The following PTPRH variants were observed in gnomAD, a reference collection of about 807,000 sequenced individuals.
The protein encoded by PTPRH is receptor-type tyrosine-protein phosphatase H.
A neutral mutation model predicts 130.2 loss-of-function variants in PTPRH; 113 were observed. The observed-to-expected ratio is 0.87, with a 90% confidence interval of 0.75 to 1.01. The LOEUF (loss-of-function observed/expected upper bound fraction) is 1.01. Among genes scored for constraint, PTPRH ranks in the 50% least tolerant of loss-of-function variants. The pLI is 0.00. For synonymous variants in PTPRH, 556 were observed against 577.9 expected (o/e 0.96, Z 0.54); for missense variants, 1,430 against 1,425.0 (o/e 1.00, Z -0.06).
At chr19:55,200,867 C>T (rs1039581054) in intron 6 of PTPRH, among the ~76,000 whole-genome samples, 5 of 151,768 alleles carry the variant, frequency 3.3e-5, no homozygotes, top group Admixed American at 1.3e-4. Flanking sequence ...GGCGTGAACC[C>T]GGGAGGCGGA....
At chr19:55,203,117 A>G (rs1168643421) in intron 5 of PTPRH, among the ~76,000 whole-genome samples, 1 of 151,820 alleles carries the variant, frequency 6.6e-6, no homozygotes, top group East Asian at 2.0e-4. Context: ...TCACAAGGTC[A>G]GGAGATCGAG....
chr19:55,200,952 A>AC lies in PTPRH; in HGVS notation c.1154-451_1154-450insG, dbSNP rs1261414196. 6.0e-3 allele frequency among the ~76,000 whole-genome samples: 655 copies of AC among 110,036 alleles called. 10 individuals are homozygous for AC. The highest frequency in any genetic ancestry group is 0.026 in the African/African-American group (579 of 22,658). The allele number at this position is 110,036 out of a possible 152,430, so 72.2% of individuals were successfully genotyped here. ...AGCGAGACTCCGTCTCAAAACAAAC[A>AC]AAAAAAACAAACAAAAAAAACAAAA... On this transcript the variant is annotated intron_variant, in intron 6 of 19. Transcript: ENST00000376350.
In PTPRH at chr19:55,181,634, C is replaced by G. The variant is rs1207099214; in HGVS notation, c.*120G>C. 2.2e-6 allele frequency: 3 copies of G among 1,391,134 alleles called. No individual in the cohort carries two copies. Among genetic ancestry groups the G allele is most frequent in the Non-Finnish European group, 9.9e-7 (1 of 1,011,954 alleles). 86.2% of individuals were successfully genotyped at this position (1,391,134 alleles called of 1,614,324 possible). On this transcript the variant is annotated 3_prime_UTR_variant, in exon 20 of 20. Transcript: ENST00000376350. ...AAACCAGAGTTTGGGATACCAGCCC[C>G]CTCCTCCCACAGCACCCAGGAGTCT...
At chr19:55,204,105 C>T (rs1443340959) in intron 4 of PTPRH, 57 bp from the exon 5 acceptor site, 12 of 1,495,342 alleles carry the variant, frequency 8.0e-6, no homozygotes, top group Non-Finnish European at 9.9e-6. Context: ...ATAACGGGGG[C>T]AGCCAGTGAG....
Position 55,200,355 on chromosome 19 carries a change from T to C in PTPRH, c.1301A>G (p.Asn434Ser). Residue 434 changes from asparagine to serine, a missense_variant, in exon 7 of 20, where the codon AAC becomes AGC. By Grantham distance (46) the Asn-to-Ser change is conservative. Coordinates refer to ENST00000376350, the MANE Select transcript of PTPRH (RefSeq NM_002842.5). ...AGCTGTCACACTGGTATTTGTTGTG[T>C]TTCGGGTCTCTGTGCCACCACCGTC... ...TGDGGGTETR[N>S]TTNTSVTAER... is the part of the protein sequence containing the mutation. 6.2e-7 allele frequency: 1 copy of C among 1,614,142 alleles called. No homozygotes were observed.
chr19:55,199,009 C>T (rs2086775397), intron 7 of PTPRH, 97 bp from the exon 8 acceptor site: 2 of 1,202,838 alleles, frequency 1.7e-6, no homozygotes, highest in Non-Finnish European at 2.1e-6. Flanking sequence ...CCAGCTCATC[C>T]AGAAACACTT....
intron 6 of PTPRH, among the ~76,000 whole-genome samples, chr19:55,200,926 C>T (rs1323502669): frequency 1.4e-5 from 2 of 147,960 alleles, no homozygotes; most frequent in African/African-American, 5.1e-5. Context: ...CTGGGCGACA[C>T]AGCGAGACTC....
At chr19:55,204,104 G>T in intron 4 of PTPRH, 56 bp from the exon 5 acceptor site, 2 of 1,498,470 alleles carry the variant, frequency 1.3e-6, no homozygotes, top group Non-Finnish European at 9.0e-7. Flanking sequence ...CATAACGGGG[G>T]CAGCCAGTGA....
At chr19:55,198,484 G>A (rs1027207353) in intron 8 of PTPRH, among the ~76,000 whole-genome samples, 159 bp downstream of exon 8, 13 of 152,178 alleles carry the variant, frequency 8.5e-5, no homozygotes, top group Non-Finnish European at 1.6e-4. Flanking sequence ...GCTAAGAAAC[G>A]ACACCCACTA....
intron 11 of PTPRH, 21 bp downstream of exon 11, chr19:55,191,642 C>G (rs1220602794): frequency 1.2e-6 from 2 of 1,613,372 alleles, no homozygotes; most frequent in Admixed American, 1.7e-5. Flanking sequence ...TCCAGGCGGT[C>G]AGCCCTGTGC....
At chr19:55,201,117 A>G (rs1352740430) in intron 6 of PTPRH, among the ~76,000 whole-genome samples, 1 of 152,194 alleles carries the variant, frequency 6.6e-6, no homozygotes, top group East Asian at 1.9e-4. Flanking sequence ...GTGAGATTAC[A>G]TGCCTGTAAT....
chr19:55,196,457 A>T (rs1359638445), intron 10 of PTPRH, 65 bp downstream of exon 10: 13 of 1,525,832 alleles, frequency 8.5e-6, no homozygotes, highest in Non-Finnish European at 9.7e-6. Flanking sequence ...TTTCCTCACA[A>T]TGGGGCCTGA....
At chr19:55,190,248 T>C (rs1212448573) in intron 12 of PTPRH, among the ~76,000 whole-genome samples, 1 of 150,504 alleles carries the variant, frequency 6.6e-6, no homozygotes, top group Non-Finnish European at 1.5e-5. Context: ...TGCATGCCTG[T>C]ATTCCCAGCT....
At chr19:55,205,984 G>A (rs538916363) in intron 3 of PTPRH, among the ~76,000 whole-genome samples, 3 of 152,214 alleles carry the variant, frequency 2.0e-5, no homozygotes, top group South Asian at 2.1e-4. Flanking sequence ...TGTAATCCCC[G>A]CACTTTGGGA....
chr19:55,192,386 A>C (rs1214837001), intron 10 of PTPRH, among the ~76,000 whole-genome samples: 2 of 151,954 alleles, frequency 1.3e-5, no homozygotes, highest in Non-Finnish European at 2.9e-5. Flanking sequence ...TGGGTAACAG[A>C]GCAAGACTCT....
At chr19:55,193,642 G>C (rs932712009) in intron 10 of PTPRH, among the ~76,000 whole-genome samples, 1 of 152,038 alleles carries the variant, frequency 6.6e-6, no homozygotes, top group South Asian at 2.1e-4. Flanking sequence ...TGCGCAGGAC[G>C]GCCCCCCCAC....
At position 55,202,133 on chromosome 19, in the gene PTPRH, C is replaced by G. The variant is rs1031449241; in HGVS notation, c.1076G>C (p.Gly359Ala). 1 of 1,614,200 alleles carries G rather than the reference C, an allele frequency of 6.2e-7. No individual in the cohort carries two copies. The highest frequency in any genetic ancestry group is 1.3e-5 in the African/African-American group (1 of 75,040). The change falls in exon 6 of 20, where the codon GGG (glycine) becomes GCG (alanine). Residue 359 changes from glycine to alanine, a missense_variant. Physicochemically the swap from Gly to Ala is moderately conservative, Grantham distance 60. Coordinates refer to ENST00000376350, the MANE Select transcript of PTPRH (RefSeq NM_002842.5). ...TNITVDRLEP[G>A]CLYVFSVWVG... Reference sequence around the variant, plus strand: ...CCACACGGAAAACACATACAAACACCCGGGTTCAAGTCTATCCACGGTGAT... The same window carrying G: ...CCACACGGAAAACACATACAAACACGCGGGTTCAAGTCTATCCACGGTGAT...
In PTPRH at chr19:55,181,655, A is replaced by T. The variant is rs1445519844; in HGVS notation, c.*99T>A. 1 of 1,494,590 alleles carries T rather than the reference A, an allele frequency of 6.7e-7. No homozygotes were observed. The highest frequency in any genetic ancestry group is 1.4e-5 in the African/African-American group (1 of 72,370). 92.6% of individuals were successfully genotyped at this position (1,494,590 alleles called of 1,614,324 possible). Reference sequence around the variant, plus strand: ...GCCCCCTCCTCCCACAGCACCCAGGAGTCTGGGAGCCCAGCCCTCTGCTCT... The same window carrying T: ...GCCCCCTCCTCCCACAGCACCCAGGTGTCTGGGAGCCCAGCCCTCTGCTCT... On this transcript the variant is annotated 3_prime_UTR_variant, in exon 20 of 20. Coordinates refer to ENST00000376350, the MANE Select transcript of PTPRH (RefSeq NM_002842.5).
At chr19:55,199,038 C>T (rs762098644) in intron 7 of PTPRH, 126 bp from the exon 8 acceptor site, 17 of 976,080 alleles carry the variant, frequency 1.7e-5, no homozygotes, top group Non-Finnish European at 2.0e-5. Flanking sequence ...GGCACAGTGG[C>T]TCAGGCCTGT....
Sources: allele counts gnomAD v4.1 joint callset (sites outside exome capture counted in the v4.1 genomes callset), GRCh38; gene constraint gnomAD v4.1.1; transcripts MANE v1.5; gene names NCBI Gene and HGNC (gene_info 2026-07-23, HGNC 2026-07-21).